Variants in KCNMA1 observed in about 807,000 individuals in gnomAD.
KCNMA1 encodes Calcium-activated potassium channel subunit alpha-1.
A neutral mutation model predicts 140.0 loss-of-function variants in KCNMA1; 29 were observed. That is an observed-to-expected ratio of 0.21 (90% confidence interval 0.15 to 0.28). KCNMA1 has a LOEUF of 0.28. Ranked by LOEUF, KCNMA1 falls within the 10% of genes least tolerant of loss-of-function variation. The probability of loss-of-function intolerance (pLI) is 1.00; values close to 1 mark genes in which losing one functional copy is unlikely to be tolerated. For synonymous variants in KCNMA1, 612 were observed against 611.9 expected (o/e 1.00, Z 0.00); for missense variants, 880 against 1,602.2 (o/e 0.55, Z 7.70).
At chr10:77,065,042 G>A (rs1038427014) in intron 14 of KCNMA1, among the ~76,000 whole-genome samples, 6 of 152,134 alleles carry the variant, frequency 3.9e-5, no homozygotes, top group Admixed American at 6.5e-5. Flanking sequence ...ACAAGTCCCC[G>A]CTGGTCCTGG....
At position 77,355,976 on chromosome 10, in the gene KCNMA1, C is replaced by T. The variant is rs540567310; in HGVS notation, c.540+47886G>A. Among the ~76,000 whole-genome samples, 4 of 152,328 alleles carry T rather than the reference C, an allele frequency of 2.6e-5. No individual in the cohort carries two copies. The East Asian group carries it at 7.7e-4, about 29-fold the overall frequency. ...TATCCACGTGGGAAACTCCTACTCA[C>T]TCATCAAGACCCATCTCTAATGTCC... is the stretch of plus-strand genomic sequence containing the variant. On this transcript the variant is annotated intron_variant, in intron 2 of 27. Coordinates refer to ENST00000286628, the MANE Select transcript of KCNMA1 (RefSeq NM_001161352.2).
chr10:77,102,070 G>T (rs868120447), intron 9 of KCNMA1, among the ~76,000 whole-genome samples: 9 of 152,328 alleles, frequency 5.9e-5, no homozygotes, highest in African/African-American at 2.2e-4. Context: ...TATAGTTGGA[G>T]ATTTTTATGG....
chr10:77,131,964 CAAA>C (rs34972346), intron 5 of KCNMA1, among the ~76,000 whole-genome samples: 12 of 92,510 alleles, frequency 1.3e-4, no homozygotes, highest in Middle Eastern at 5.5e-3. Flanking sequence ...GACTCGGTCT[CAAA>C]AAAAAAAAAA....
chr10:77,440,576 T>G (rs1299161516), intron 1 of KCNMA1, among the ~76,000 whole-genome samples: 2 of 152,112 alleles, frequency 1.3e-5, no homozygotes, highest in African/African-American at 4.8e-5. Flanking sequence ...AATAATTCTT[T>G]GAGATAATAG....
intron 1 of KCNMA1, among the ~76,000 whole-genome samples, chr10:77,492,181 C>T (rs2040186894): frequency 6.6e-6 from 1 of 152,166 alleles, no homozygotes; most frequent in East Asian, 1.9e-4. Context: ...GAAGGTCCCT[C>T]GTGGGCTGTC....
intron 14 of KCNMA1, among the ~76,000 whole-genome samples, chr10:77,042,810 T>C (rs1226241757): frequency 1.3e-5 from 2 of 152,230 alleles, no homozygotes; most frequent in African/African-American, 4.8e-5. Context: ...AACAATATTA[T>C]TCATGTTTGT....
chr10:77,589,847 A>G (rs911886111), intron 1 of KCNMA1, among the ~76,000 whole-genome samples: 12 of 152,076 alleles, frequency 7.9e-5, no homozygotes, highest in Admixed American at 2.6e-4. Context: ...AAGCTTCCAC[A>G]GTGTGGAAGG....
intron 1 of KCNMA1, among the ~76,000 whole-genome samples, chr10:77,479,380 G>A (rs34241578): frequency 1.5e-3 from 227 of 152,190 alleles, no homozygotes; most frequent in Non-Finnish European, 2.6e-3. Flanking sequence ...ACAGTGGGAG[G>A]GGGCAGGAGG....
intron 1 of KCNMA1, among the ~76,000 whole-genome samples, chr10:77,488,631 T>C (rs951985411): frequency 1.3e-5 from 2 of 151,996 alleles, no homozygotes; most frequent in African/African-American, 4.8e-5. Context: ...CATTTCCCCC[T>C]GTATTAGGAA....
intron 5 of KCNMA1, among the ~76,000 whole-genome samples, chr10:77,180,828 T>C (rs745464783): frequency 2.8e-4 from 43 of 152,356 alleles, no homozygotes; most frequent in Non-Finnish European, 4.6e-4. Flanking sequence ...TAGAAATTCA[T>C]TTCCACCTCT....
intron 23 of KCNMA1, among the ~76,000 whole-genome samples, chr10:76,936,608 G>A (rs184860605): frequency 9.2e-5 from 14 of 152,276 alleles, no homozygotes; most frequent in Admixed American, 9.2e-4. Flanking sequence ...TATGGGAGCA[G>A]CTGAAAAAAT....
rs1164855161 is a variant in KCNMA1 at position 77,108,734 on chromosome 10, G to C, written c.1132-162C>G. On this transcript the variant is annotated intron_variant, in intron 8 of 27. Transcript: ENST00000286628. The surrounding 1 kb of genome is among the most constrained non-coding windows in gnomAD (Gnocchi z 4.6). ...TCATAAAAAACTAAAAGCACGAAGAGAGCAAGCTCCCAGAAATACACAAGA... is the reference window on the plus strand; with the variant it reads ...TCATAAAAAACTAAAAGCACGAAGACAGCAAGCTCCCAGAAATACACAAGA... 6.6e-6 allele frequency among the ~76,000 whole-genome samples: 1 copy of C among 152,018 alleles called. No individual in the cohort carries two copies. The highest frequency in any genetic ancestry group is 1.5e-5 in the Non-Finnish European group (1 of 68,022).
chr10:77,002,309 A>C (rs1159063597), intron 18 of KCNMA1, among the ~76,000 whole-genome samples: 1 of 152,210 alleles, frequency 6.6e-6, no homozygotes, highest in Non-Finnish European at 1.5e-5. Context: ...CAAATAAGAA[A>C]TCACCAAAAG....
intron 19 of KCNMA1, chr10:76,970,329 G>GAA (rs10563488): frequency 7.5e-5 from 14 of 187,028 alleles, no homozygotes; most frequent in South Asian, 2.8e-4. Context: ...CCTGCCATAA[G>GAA]AAAAAAAAAA....
intron 1 of KCNMA1, among the ~76,000 whole-genome samples, chr10:77,508,584 T>TC (rs2047102186): frequency 9.9e-6 from 1 of 100,950 alleles, no homozygotes; most frequent in African/African-American, 3.2e-5. Flanking sequence ...TTCTTTTCTT[T>TC]TTTTTTTTTT....
intron 23 of KCNMA1, among the ~76,000 whole-genome samples, chr10:76,944,544 C>T (rs2152880891): frequency 6.6e-6 from 1 of 152,276 alleles, no homozygotes; most frequent in East Asian, 1.9e-4. Context: ...CTTGTTTATC[C>T]TCTGGAAAGG....
chr10:77,403,052 A>G (rs984586655), intron 2 of KCNMA1, among the ~76,000 whole-genome samples: 1 of 152,184 alleles, frequency 6.6e-6, no homozygotes, highest in African/African-American at 2.4e-5. Flanking sequence ...TTTTGCACTG[A>G]AAGACTCATG....
chr10:77,607,144 C>T (rs2084848880), intron 1 of KCNMA1, among the ~76,000 whole-genome samples: 1 of 152,144 alleles, frequency 6.6e-6, no homozygotes, highest in South Asian at 2.1e-4. Context: ...CTCTGAATGT[C>T]AGAAAAGGGT....
At chr10:76,878,048 A>G (rs1314612579) in intron 29 of KCNMA1, among the ~76,000 whole-genome samples, 1 of 152,194 alleles carries the variant, frequency 6.6e-6, no homozygotes. Context: ...CAGTGTAGGG[A>G]GGACCCCAGA....
Sources: gnomAD v4.1 joint callset for allele counts (sites outside exome capture counted in the v4.1 genomes callset) on GRCh38, gnomAD v4.1.1 for gene constraint, Gnocchi (gnomAD v3.1) non-coding constraint, MANE v1.5 for transcripts, NCBI Gene and HGNC (gene_info 2026-07-23, HGNC 2026-07-21) for gene names.